The following HCRTR2 variants were observed in gnomAD, a reference collection of about 807,000 sequenced individuals.
HCRTR2 encodes the protein hypocretin receptor 2.
Under a neutral mutation model 49.0 loss-of-function variants are expected in HCRTR2, and 22 were observed. The ratio of observed to expected loss-of-function variants is 0.45; its 90% CI spans 0.32 to 0.64. The LOEUF (loss-of-function observed/expected upper bound fraction) is 0.64. Ranked by LOEUF, HCRTR2 falls within the 30% of genes least tolerant of loss-of-function variation. HCRTR2 has a pLI of 0.04. For synonymous variants in HCRTR2, 236 were observed against 205.3 expected (o/e 1.15, Z -1.28); for missense variants, 491 against 559.4 (o/e 0.88, Z 1.23).
intron 3 of HCRTR2, 23 bp downstream of exon 3, chr6:55,255,402 A>G (rs1456928936): frequency 2.5e-6 from 4 of 1,613,490 alleles, no homozygotes; most frequent in East Asian, 2.2e-5. Context: ...TGGCCCATCA[A>G]CTGACATTTA....
At chr6:55,135,868 TA>T in intron 1 of HCRTR2, among the ~76,000 whole-genome samples, 1 of 152,148 alleles carries the variant, frequency 6.6e-6, no homozygotes, top group Non-Finnish European at 1.5e-5. Flanking sequence ...TAGCGTTGCT[TA>T]TTCATGGAAA....
chr6:55,171,745 C>A (rs1407900435), upstream of HCRTR2, among the ~76,000 whole-genome samples: 2 of 152,114 alleles, frequency 1.3e-5, no homozygotes, highest in African/African-American at 2.4e-5. Flanking sequence ...ATTTTCATTT[C>A]TCGTTATTTA....
At chr6:55,119,701 T>G (rs1764169431) in intron 1 of HCRTR2, among the ~76,000 whole-genome samples, 1 of 152,080 alleles carries the variant, frequency 6.6e-6, no homozygotes, top group African/African-American at 2.4e-5. Context: ...TTGCAAAGTT[T>G]TCTCCCATTC....
chr6:55,146,639 T>A (rs1411622665), intron 1 of HCRTR2, among the ~76,000 whole-genome samples: 2 of 151,948 alleles, frequency 1.3e-5, no homozygotes, highest in African/African-American at 4.8e-5. Context: ...CCATGTTTGA[T>A]GCCAATGTAT....
chr6:55,268,763 A>G (rs1403613325), intron 4 of HCRTR2, among the ~76,000 whole-genome samples: 2 of 152,158 alleles, frequency 1.3e-5, no homozygotes, highest in Non-Finnish European at 1.5e-5. Flanking sequence ...AGACAATTAT[A>G]GTTGAAAATG....
chr6:55,175,674 C>T (rs1004839452), intron 1 of HCRTR2, among the ~76,000 whole-genome samples: 5 of 152,176 alleles, frequency 3.3e-5, no homozygotes, highest in Admixed American at 6.5e-5. Context: ...TTTCCTCGAC[C>T]CCTCATCCCC....
intron 4 of HCRTR2, among the ~76,000 whole-genome samples, chr6:55,268,570 C>T (rs1342001862): frequency 6.6e-6 from 1 of 151,888 alleles, no homozygotes; most frequent in Non-Finnish European, 1.5e-5. Flanking sequence ...TGTGGTTATA[C>T]TAAAATTAGA....
intron 1 of HCRTR2, among the ~76,000 whole-genome samples, chr6:55,159,079 C>A (rs975474919): frequency 6.6e-6 from 1 of 152,078 alleles, no homozygotes; most frequent in Non-Finnish European, 1.5e-5. Context: ...CTGGTGGGTG[C>A]CCCTCTGGGA....
chr6:55,212,826 T>A (rs1405236031), intron 1 of HCRTR2, among the ~76,000 whole-genome samples: 3 of 152,156 alleles, frequency 2.0e-5, no homozygotes, highest in Non-Finnish European at 4.4e-5. Context: ...GATGTTATCT[T>A]CCTTTAAGGC....
At chr6:55,171,937 T>C (rs894063728), upstream of HCRTR2, among the ~76,000 whole-genome samples, 5 of 152,154 alleles carry the variant, frequency 3.3e-5, no homozygotes, top group African/African-American at 1.2e-4. Flanking sequence ...TTAATGAATA[T>C]AGATCCGAAC....
chr6:55,157,002 A>G (rs1764740280), intron 1 of HCRTR2, among the ~76,000 whole-genome samples: 2 of 152,160 alleles, frequency 1.3e-5, no homozygotes, highest in African/African-American at 4.8e-5. Context: ...AGGTCTACTA[A>G]TTCTATTCAA....
chr6:55,231,358 GAAGT>G (rs1262564572), intron 1 of HCRTR2, among the ~76,000 whole-genome samples: 2 of 152,210 alleles, frequency 1.3e-5, no homozygotes, highest in East Asian at 1.9e-4. Context: ...TCTTTTAAGA[GAAGT>G]AAGAATGAAA....
chr6:55,249,042 G>C (rs1463785744), intron 2 of HCRTR2, among the ~76,000 whole-genome samples: 1 of 151,988 alleles, frequency 6.6e-6, no homozygotes, highest in African/African-American at 2.4e-5. Flanking sequence ...AAACATTTTT[G>C]CACAACTTTT....
intron 3 of HCRTR2, among the ~76,000 whole-genome samples, chr6:55,262,126 GA>G: frequency 6.6e-6 from 1 of 151,794 alleles, no homozygotes; most frequent in Admixed American, 6.6e-5. Flanking sequence ...AAGTGAGGGA[GA>G]GGGGGTGAAG....
At chr6:55,190,392 G>C (rs982552686) in intron 1 of HCRTR2, among the ~76,000 whole-genome samples, 3 of 152,130 alleles carry the variant, frequency 2.0e-5, no homozygotes, top group Non-Finnish European at 2.9e-5. Context: ...GAGATACAGG[G>C]CCGTAGAGGA....
chr6:55,239,772 A>ATTTTT (rs35160150), intron 1 of HCRTR2, among the ~76,000 whole-genome samples: 10 of 121,340 alleles, frequency 8.2e-5, no homozygotes, highest in Non-Finnish European at 1.0e-4. Flanking sequence ...TAGGCGGTAA[A>ATTTTT]TTTTTTTTTT....
At chr6:55,188,318 C>G (rs1325968920) in intron 1 of HCRTR2, among the ~76,000 whole-genome samples, 1 of 152,050 alleles carries the variant, frequency 6.6e-6, no homozygotes, top group South Asian at 2.1e-4. Context: ...GAAAGAGGAG[C>G]GAGGAATACA....
intron 1 of HCRTR2, among the ~76,000 whole-genome samples, chr6:55,167,849 GAA>G (rs1026102226): frequency 3.9e-5 from 6 of 152,038 alleles, no homozygotes; most frequent in Non-Finnish European, 7.4e-5. Flanking sequence ...ATTTTGAAAA[GAA>G]AAGAGAATTT....
chr6:55,136,799 TTC>T (rs1764440315), intron 1 of HCRTR2, among the ~76,000 whole-genome samples: 1 of 152,132 alleles, frequency 6.6e-6, no homozygotes, highest in Admixed American at 6.5e-5. Context: ...CAAGGCTCCT[TTC>T]TCACTTGCGC....
Sources: gnomAD v4.1 joint callset for allele counts (sites outside exome capture counted in the v4.1 genomes callset) on GRCh38, gnomAD v4.1.1 for gene constraint, MANE v1.5 for transcripts, NCBI Gene and HGNC (gene_info 2026-07-23, HGNC 2026-07-21) for gene names.